The following RSRC1 variants were observed in gnomAD, a reference collection of about 807,000 sequenced individuals.
The protein encoded by RSRC1 is serine/Arginine-related protein 53.
Under a neutral mutation model 49.1 loss-of-function variants are expected in RSRC1, and 39 were observed. The observed-to-expected ratio is 0.79, with a 90% CI of 0.61 to 1.04. RSRC1 has a LOEUF of 1.04. Ranked by LOEUF, RSRC1 falls within the 50% of genes least tolerant of loss-of-function variation. The pLI is 0.00. For synonymous variants in RSRC1, 143 were observed against 130.8 expected, an observed-to-expected ratio of 1.09 and a Z score of -0.63; for missense variants, 388 against 402.4, an observed-to-expected ratio of 0.96 and a Z score of 0.31.
In RSRC1 at chr3:158,198,433, G is replaced by T. The variant is rs115575505; in HGVS notation, c.321-4639G>T. ...TGAATACAGCACCCTGATGGGTCTG[G>T]ACTCTACCCACCTTGCCAGTCTGTG... On this transcript the variant is annotated intron_variant, in intron 3 of 9. Coordinates refer to ENST00000611884, the MANE Select transcript of RSRC1 (RefSeq NM_001271838.2). 7.6e-3 allele frequency among the ~76,000 whole-genome samples: 1,153 copies of T among 152,124 alleles called. 16 individuals carry two copies. Among genetic ancestry groups the T allele is most frequent in the African/African-American group, 0.026 (1,097 of 41,506 alleles).
intron 6 of RSRC1, among the ~76,000 whole-genome samples, chr3:158,399,442 C>T (rs1733789581): frequency 2.8e-5 from 1 of 35,800 alleles, no homozygotes; most frequent in African/African-American, 1.6e-4. Flanking sequence ...AGGCGTGAGC[C>T]ACCGCGCCCG....
At chr3:158,136,838 A>G (rs1489918425) in intron 3 of RSRC1, 1 of 152,186 alleles carries the variant, frequency 6.6e-6, no homozygotes, top group African/African-American at 2.4e-5. Context: ...TTGGACAGAT[A>G]GTCTGAAAGT....
rs909211164 is a variant in RSRC1, at chr3:158,539,091, C to T, written c.759+1893C>T. Among the ~76,000 whole-genome samples, 3 of 124,808 alleles carry T rather than the reference C, an allele frequency of 2.4e-5. No homozygotes were observed. The highest frequency in any genetic ancestry group is 9.8e-5 in the African/African-American group (3 of 30,682). 81.9% of individuals were successfully genotyped at this position (124,808 alleles called of 152,430 possible). Reference sequence around the variant, plus strand: ...CATGGAAGGATATGATGGACTATCCCTAATGCATAGCAAGGATTTAACTCT... The same window carrying T: ...CATGGAAGGATATGATGGACTATCCTTAATGCATAGCAAGGATTTAACTCT... On this transcript the variant is annotated intron_variant, in intron 8 of 9. Coordinates refer to ENST00000611884, the MANE Select transcript of RSRC1 (RefSeq NM_001271838.2). The surrounding 1 kb of genome is among the most constrained non-coding windows in gnomAD (Gnocchi z 4.1).
chr3:158,317,477 G>C (rs1166376020), intron 5 of RSRC1, among the ~76,000 whole-genome samples: 1 of 151,812 alleles, frequency 6.6e-6, no homozygotes. Flanking sequence ...TGATCCACCC[G>C]CCTTGGCCTC....
chr3:158,493,118 T>G (rs907392280), intron 7 of RSRC1, among the ~76,000 whole-genome samples: 1 of 152,116 alleles, frequency 6.6e-6, no homozygotes, highest in African/African-American at 2.4e-5. Context: ...GTCACAGAAT[T>G]GGAGGAAGTA....
At chr3:158,306,375 C>A (rs1162587646) in intron 5 of RSRC1, among the ~76,000 whole-genome samples, 1 of 151,856 alleles carries the variant, frequency 6.6e-6, no homozygotes, top group Non-Finnish European at 1.5e-5. Flanking sequence ...TATGTATACA[C>A]ACACGTGAAG....
At chr3:158,301,568 A>T (rs1727551304) in intron 5 of RSRC1, among the ~76,000 whole-genome samples, 1 of 152,326 alleles carries the variant, frequency 6.6e-6, no homozygotes, top group East Asian at 1.9e-4. Context: ...TCTGACTCCT[A>T]ATAACACCAA....
intron 3 of RSRC1, among the ~76,000 whole-genome samples, chr3:158,151,463 T>G (rs1717532565): frequency 2.6e-5 from 4 of 152,106 alleles, no homozygotes; most frequent in Admixed American, 2.6e-4. Context: ...TCAGAAAGCT[T>G]TTGTAGTGTT....
chr3:158,484,673 A>G (rs950271551), intron 7 of RSRC1, among the ~76,000 whole-genome samples: 2 of 152,162 alleles, frequency 1.3e-5, no homozygotes, highest in Non-Finnish European at 2.9e-5. Flanking sequence ...CAAATATTCA[A>G]TGCATGATTC....
chr3:158,521,601 C>G (rs1357989692), intron 7 of RSRC1, among the ~76,000 whole-genome samples: 1 of 152,100 alleles, frequency 6.6e-6, no homozygotes, highest in African/African-American at 2.4e-5. Context: ...GAAGACTTGC[C>G]TAAGATTATA....
At chr3:158,138,627 T>C (rs1716551441) in intron 3 of RSRC1, among the ~76,000 whole-genome samples, 1 of 152,232 alleles carries the variant, frequency 6.6e-6, no homozygotes, top group South Asian at 2.1e-4. Context: ...ATGAACTTAT[T>C]GTCATAAGAT....
In RSRC1 at chr3:158,489,481, A is replaced by G. The variant is rs111424106; in HGVS notation, c.652+28478A>G. On this transcript the variant is annotated intron_variant, in intron 7 of 9. Coordinates refer to ENST00000611884, the MANE Select transcript of RSRC1 (RefSeq NM_001271838.2). ...ATGTATGCTTAATCTTTTTATTGAC[A>G]TTTTATAAAGAAAAAATGTGGGACA... Among the ~76,000 whole-genome samples the G allele has an allele frequency of 1.1e-3, 161 of 152,272 alleles. 2 individuals are homozygous for G. The highest frequency in any genetic ancestry group is 3.6e-3 in the African/African-American group (148 of 41,528).
chr3:158,524,605 G>A (rs376586509), intron 7 of RSRC1, among the ~76,000 whole-genome samples: 5 of 151,970 alleles, frequency 3.3e-5, no homozygotes, highest in Non-Finnish European at 1.5e-5. Flanking sequence ...ATGTTATGAC[G>A]AGTTAATTCA....
chr3:158,371,133 A>G (rs1732049129), intron 6 of RSRC1, among the ~76,000 whole-genome samples: 2 of 151,830 alleles, frequency 1.3e-5, no homozygotes, highest in Admixed American at 6.6e-5. Flanking sequence ...AATTATTTAT[A>G]TTGTTGAGTT....
intron 4 of RSRC1, among the ~76,000 whole-genome samples, chr3:158,218,093 C>G (rs556048654): frequency 3.8e-4 from 58 of 151,584 alleles, no homozygotes; most frequent in African/African-American, 1.1e-3. Flanking sequence ...GAGATGGGGC[C>G]GGAGAAACAG....
chr3:158,433,747 C>T (rs1735898570), intron 6 of RSRC1, among the ~76,000 whole-genome samples: 1 of 151,916 alleles, frequency 6.6e-6, no homozygotes, highest in African/African-American at 2.4e-5. Flanking sequence ...TTCTAAAAAT[C>T]ATCCTATCTA....
intron 6 of RSRC1, among the ~76,000 whole-genome samples, chr3:158,362,852 A>G (rs961467041): frequency 3.2e-4 from 49 of 152,216 alleles, no homozygotes; most frequent in African/African-American, 1.1e-3. Context: ...TTTCCAAAAG[A>G]TATTTTTTAT....
intron 6 of RSRC1, among the ~76,000 whole-genome samples, chr3:158,440,913 G>C (rs545904922): frequency 1.3e-5 from 2 of 152,112 alleles, no homozygotes; most frequent in South Asian, 4.1e-4. Flanking sequence ...TTGCATTCCA[G>C]CCTGGGCAAC....
intron 6 of RSRC1, among the ~76,000 whole-genome samples, chr3:158,454,616 T>C (rs10936142): frequency 0.32 from 49,063 of 151,926 alleles, 8,701 homozygotes; most frequent in Middle Eastern, 0.47. Flanking sequence ...TTAAGGATGT[T>C]ATTTACAGTG....
Sources: allele counts gnomAD v4.1 joint callset (sites outside exome capture counted in the v4.1 genomes callset), GRCh38; gene constraint gnomAD v4.1.1; non-coding constraint Gnocchi (gnomAD v3.1); transcripts MANE v1.5; gene names NCBI Gene and HGNC (gene_info 2026-07-23, HGNC 2026-07-21).